The following RFC3 variants were observed in gnomAD, a reference collection of about 807,000 sequenced individuals.
RFC3 encodes replication factor C subunit 3.
In RFC3, 41 loss-of-function variants were observed where a neutral mutation model predicts 45.1. The ratio of observed to expected loss-of-function variants is 0.91; its 90% CI spans 0.71 to 1.18. The LOEUF is 1.18. RFC3 is among the 50% of genes most tolerant of loss of function. RFC3 has a pLI of 0.00. For synonymous variants in RFC3, 149 were observed against 144.0 expected (o/e 1.03, Z -0.25); for missense variants, 423 against 428.1 (o/e 0.99, Z 0.10).
At chr13:33,941,387 A>G (rs1390186133) in intron 8 of RFC3, among the ~76,000 whole-genome samples, 1 of 152,188 alleles carries the variant, frequency 6.6e-6, no homozygotes, top group African/African-American at 2.4e-5. Context: ...GTTTCTGTTT[A>G]GGAATATTCT....
At chr13:33,924,705 ATGTG>A (rs34618705) in intron 8 of RFC3, among the ~76,000 whole-genome samples, 404 of 139,836 alleles carry the variant, frequency 2.9e-3, no homozygotes, top group African/African-American at 9.9e-3. Flanking sequence ...CATTGTGTGT[ATGTG>A]TGTGTGTGTG....
intron 8 of RFC3, among the ~76,000 whole-genome samples, chr13:33,867,005 A>G (rs2082377806): frequency 6.6e-6 from 1 of 152,182 alleles, no homozygotes; most frequent in South Asian, 2.1e-4. Flanking sequence ...GTAATTGGCA[A>G]ATATCTTCAT....
chr13:33,901,685 G>C (rs2082642902), intron 8 of RFC3, among the ~76,000 whole-genome samples: 1 of 152,000 alleles, frequency 6.6e-6, no homozygotes, highest in African/African-American at 2.4e-5. Flanking sequence ...AGCTATAAGG[G>C]AATAATTCAA....
At chr13:33,847,362 A>T (rs940969839) in intron 8 of RFC3, 1 of 152,194 alleles carries the variant, frequency 6.6e-6, no homozygotes, top group African/African-American at 2.4e-5. Context: ...TGTTCTTACA[A>T]AGGTGCTTTC....
At chr13:33,923,564 A>G (rs2082783321) in intron 8 of RFC3, among the ~76,000 whole-genome samples, 1 of 152,116 alleles carries the variant, frequency 6.6e-6, no homozygotes, top group African/African-American at 2.4e-5. Flanking sequence ...AAGAGGTGAT[A>G]TTGACTAGGG....
chr13:33,851,650 A>C (rs539313679), intron 8 of RFC3, among the ~76,000 whole-genome samples: 34 of 152,250 alleles, frequency 2.2e-4, no homozygotes, highest in African/African-American at 7.7e-4. Context: ...AGGCAAAATA[A>C]AACCTACATA....
chr13:33,853,714 A>G (rs1282000838), intron 8 of RFC3, among the ~76,000 whole-genome samples: 2 of 152,174 alleles, frequency 1.3e-5, no homozygotes, highest in Non-Finnish European at 2.9e-5. Context: ...AGAGGGAAAT[A>G]CATGTTTGTT....
chr13:33,831,326 G>C lies in RFC3; in HGVS notation c.781G>C (p.Ala261Pro), dbSNP rs137956836. 1 of 1,607,450 alleles carries C rather than the reference G, an allele frequency of 6.2e-7. No homozygotes were observed. The highest frequency in any genetic ancestry group is 1.3e-5 in the African/African-American group (1 of 74,790). The change falls in exon 7 of 9, where the codon GCT becomes CCT. Residue 261 changes from alanine (A) to proline (P), a missense_variant. By Grantham distance (27) the Ala-to-Pro change is conservative (BLOSUM62 -1). Coordinates refer to ENST00000380071, the MANE Select transcript of RFC3 (RefSeq NM_002915.4). ...WEVYLRETAN[A>P]IVSQQTPQRL... ...GGTGTATCTGAGGGAGACTGCAAATGCTATTGTCAGTCAGCAAACTCCACA... is the reference window on the plus strand; with the variant it reads ...GGTGTATCTGAGGGAGACTGCAAATCCTATTGTCAGTCAGCAAACTCCACA...
chr13:33,835,273 G>A (rs1481512056), intron 8 of RFC3, 56 bp downstream of exon 8: 1 of 1,098,694 alleles, frequency 9.1e-7, no homozygotes, highest in Non-Finnish European at 1.4e-6. Flanking sequence ...GACGCTGGGT[G>A]TGTGATCATA....
chr13:33,826,407 C>T (rs1174079366), intron 4 of RFC3, among the ~76,000 whole-genome samples: 1 of 152,094 alleles, frequency 6.6e-6, no homozygotes, highest in Non-Finnish European at 1.5e-5. Flanking sequence ...CTCATTTCTC[C>T]GTGACATTTA....
chr13:33,967,486 CTTTT>C (rs11393413), downstream of RFC3, among the ~76,000 whole-genome samples: 1 of 119,468 alleles, frequency 8.4e-6, no homozygotes. Context: ...ACCAGCAATT[CTTTT>C]TTTTTTTTTT....
chr13:33,888,812 C>G (rs2082544473), intron 8 of RFC3, among the ~76,000 whole-genome samples: 1 of 148,672 alleles, frequency 6.7e-6, no homozygotes, highest in Non-Finnish European at 1.5e-5. Flanking sequence ...GTGGCACAAA[C>G]TCAGCTCACT....
At chr13:33,832,322 T>C (rs1464026141) in intron 7 of RFC3, among the ~76,000 whole-genome samples, 1 of 152,152 alleles carries the variant, frequency 6.6e-6, no homozygotes, top group Admixed American at 6.5e-5. Context: ...GTTCAGTCTA[T>C]AGACTGAATA....
chr13:33,975,980 G>A, the RFC3 span, among the ~76,000 whole-genome samples: 17 of 152,264 alleles, frequency 1.1e-4, 1 homozygote, highest in East Asian at 3.3e-3. Flanking sequence ...AGGTTCTTTG[G>A]AGAAGCGACT....
intron 1 of RFC3, among the ~76,000 whole-genome samples, chr13:33,818,529 A>G (rs757763043): frequency 6.6e-6 from 1 of 152,262 alleles, no homozygotes; most frequent in Non-Finnish European, 1.5e-5. Flanking sequence ...AAAGAGTGGA[A>G]CAGGTAAGAG....
chr13:33,976,264 C>G, the RFC3 span, among the ~76,000 whole-genome samples: 32 of 152,092 alleles, frequency 2.1e-4, no homozygotes, highest in Non-Finnish European at 2.1e-4. Flanking sequence ...AAAATGAAGT[C>G]CTGTAACTTG....
intron 8 of RFC3, among the ~76,000 whole-genome samples, chr13:33,943,021 A>G (rs1342399928): frequency 6.6e-6 from 1 of 152,208 alleles, no homozygotes; most frequent in Non-Finnish European, 1.5e-5. Flanking sequence ...GAATTTCATA[A>G]TTTTGATTGT....
At chr13:33,955,044 C>G (rs1015317186) in intron 8 of RFC3, among the ~76,000 whole-genome samples, 3 of 152,200 alleles carry the variant, frequency 2.0e-5, no homozygotes, top group Non-Finnish European at 2.9e-5. Context: ...CATGCAGCCT[C>G]TCTACATGGC....
chr13:33,924,922 CA>C (rs2082793907), intron 8 of RFC3, among the ~76,000 whole-genome samples: 1 of 149,736 alleles, frequency 6.7e-6, no homozygotes, highest in African/African-American at 2.4e-5. Flanking sequence ...AGACAAAAGA[CA>C]AAAAAATAAC....
Sources: gnomAD v4.1 joint callset for allele counts (sites outside exome capture counted in the v4.1 genomes callset) on GRCh38, gnomAD v4.1.1 for gene constraint, MANE v1.5 for transcripts, NCBI Gene and HGNC (gene_info 2026-07-23, HGNC 2026-07-21) for gene names.